Variants in BRWD3 observed in about 807,000 individuals in gnomAD.
BRWD3 encodes bromodomain and WD repeat domain containing 3.
Under a neutral mutation model 149.7 loss-of-function variants are expected in BRWD3, and 10 were observed. The observed-to-expected ratio is 0.07, with a 90% CI of 0.04 to 0.11. BRWD3 has a LOEUF of 0.11. Ranked by LOEUF, BRWD3 falls within the 10% of genes least tolerant of loss-of-function variation. The pLI, the probability that BRWD3 is intolerant of heterozygous loss-of-function variation, is 1.00. For synonymous variants in BRWD3, 504 were observed against 456.7 expected (o/e 1.10, Z -1.32); for missense variants, 940 against 1,373.2 (o/e 0.68, Z 4.99).
chrX:80,704,002 C>A (rs760624959), intron 23 of BRWD3, among the ~76,000 whole-genome samples: 1 of 112,094 alleles, frequency 8.9e-6, no homozygotes, highest in Non-Finnish European at 1.9e-5. Context: ...TAACTACATA[C>A]ACCAAGTCTT....
chrX:80,786,396 G>A (rs1318322859), intron 6 of BRWD3, among the ~76,000 whole-genome samples: 1 of 110,485 alleles, frequency 9.1e-6, no homozygotes, highest in African/African-American at 3.3e-5. Context: ...GCAAGAGAAG[G>A]GAACATCCTC....
Position 80,808,617 on chromosome X carries a change from G to A in BRWD3, c.121-19C>T. 1 of 1,200,872 alleles carries A rather than the reference G, an allele frequency of 8.3e-7. No homozygotes were observed. Among genetic ancestry groups the A allele is most frequent in the Non-Finnish European group, 1.1e-6 (1 of 886,538 alleles). On this transcript the variant is annotated intron_variant, in intron 3 of 40. Coordinates refer to ENST00000373275, the MANE Select transcript of BRWD3 (RefSeq NM_153252.5). ...GAATCAGCTGGGGGCCGGACGAAAA[G>A]AAAGGGGGAAGCGGAGGCAAATGAT...
chrX:80,704,570 A>C (rs1440234706), intron 23 of BRWD3, 108 bp downstream of exon 23: 1 of 800,203 alleles, frequency 1.2e-6, no homozygotes, highest in Non-Finnish European at 1.8e-6. Flanking sequence ...ACTTTCTCAG[A>C]TGAAATGTTA....
intron 17 of BRWD3, among the ~76,000 whole-genome samples, 200 bp downstream of exon 17, chrX:80,722,362 C>T (rs1034513029): frequency 3.6e-5 from 4 of 111,466 alleles, no homozygotes; most frequent in Non-Finnish European, 7.5e-5. Flanking sequence ...TGTCCTAACC[C>T]ACTTATCTGT....
chrX:80,706,872 T>C (rs777240387), intron 22 of BRWD3, among the ~76,000 whole-genome samples: 5 of 112,575 alleles, frequency 4.4e-5, no homozygotes, highest in Non-Finnish European at 9.4e-5. Flanking sequence ...TCTAAAAGAA[T>C]AGAAAATGAA....
intron 6 of BRWD3, among the ~76,000 whole-genome samples, chrX:80,751,101 A>G (rs750925337): frequency 9.0e-6 from 1 of 111,345 alleles, no homozygotes; most frequent in Non-Finnish European, 1.9e-5. Flanking sequence ...CAAGGAAAGG[A>G]GAGGGGTGAG....
chrX:80,788,601 T>C (rs1017330879), intron 6 of BRWD3, among the ~76,000 whole-genome samples: 1 of 111,755 alleles, frequency 8.9e-6, no homozygotes, highest in African/African-American at 3.3e-5. Context: ...AAGTTGTATT[T>C]AACATATGAT....
intron 12 of BRWD3, among the ~76,000 whole-genome samples, chrX:80,731,564 C>CA (rs954225041): frequency 9.0e-6 from 1 of 110,847 alleles, no homozygotes; most frequent in South Asian, 3.8e-4. Context: ...TATTTGCTGT[C>CA]AAAAAATTAT....
intron 6 of BRWD3, among the ~76,000 whole-genome samples, chrX:80,780,821 G>A (rs992830640): frequency 1.8e-5 from 2 of 112,054 alleles, no homozygotes; most frequent in Non-Finnish European, 1.9e-5. Context: ...CATAAAATTA[G>A]AGAGGGTGAC....
chrX:80,736,165 T>C (rs1216117954), intron 8 of BRWD3, 77 bp from the exon 9 acceptor site: 14 of 626,179 alleles, frequency 2.2e-5, no homozygotes, highest in Non-Finnish European at 3.4e-5. Flanking sequence ...TATTTTCAAA[T>C]TGTAATCATT....
At chrX:80,783,035 G>T (rs1402845288) in intron 6 of BRWD3, among the ~76,000 whole-genome samples, 2 of 111,070 alleles carry the variant, frequency 1.8e-5, no homozygotes, top group Non-Finnish European at 3.8e-5. Flanking sequence ...ATATACAAAT[G>T]GCAAACAGGC....
At chrX:80,710,616 G>A in intron 20 of BRWD3, 1 of 513,881 alleles carries the variant, frequency 1.9e-6, no homozygotes. Context: ...TCCAATCCTG[G>A]AAGGTCTTGA....
chrX:80,710,110 T>C (rs1056445479), intron 20 of BRWD3: 1 of 642,440 alleles, frequency 1.6e-6, no homozygotes, highest in Non-Finnish European at 2.6e-6. Context: ...AAATTCTCCA[T>C]ATTGACAAAC....
intron 6 of BRWD3, among the ~76,000 whole-genome samples, chrX:80,777,336 T>C (rs1398476986): frequency 5.4e-5 from 6 of 111,571 alleles, no homozygotes; most frequent in Admixed American, 4.8e-4. Flanking sequence ...AAAGAGTTTA[T>C]CATCAAATTG....
At chrX:80,721,450 T>C (rs1569260589) in intron 17 of BRWD3, among the ~76,000 whole-genome samples, 1 of 110,671 alleles carries the variant, frequency 9.0e-6, no homozygotes, top group Non-Finnish European at 1.9e-5. Flanking sequence ...AGCAAGAACA[T>C]AAAAGGACGT....
intron 8 of BRWD3, among the ~76,000 whole-genome samples, chrX:80,740,957 C>T (rs181322192): frequency 2.5e-3 from 277 of 110,976 alleles, no homozygotes; most frequent in Non-Finnish European, 3.4e-3. Context: ...ATGTGCACAA[C>T]ATGCAGGTTT....
At chrX:80,692,857 G>T (rs2072630952) in intron 28 of BRWD3, 83 bp downstream of exon 28, 1 of 735,493 alleles carries the variant, frequency 1.4e-6, no homozygotes, top group Non-Finnish European at 2.2e-6. Flanking sequence ...AGATAAAAGG[G>T]CATTACTCCT....
intron 30 of BRWD3, 105 bp from the exon 31 acceptor site, chrX:80,691,278 C>A: frequency 4.7e-6 from 4 of 856,315 alleles, no homozygotes; most frequent in South Asian, 2.4e-5. Flanking sequence ...TGATATACTA[C>A]TTTTCTAAAA....
chrX:80,727,734 G>T (rs749205816), intron 14 of BRWD3, among the ~76,000 whole-genome samples: 14 of 109,948 alleles, frequency 1.3e-4, no homozygotes, highest in African/African-American at 4.3e-4. Context: ...GTTGAGATTG[G>T]GTAATTCCTA....
Sources: gnomAD v4.1 joint callset for allele counts (sites outside exome capture counted in the v4.1 genomes callset) on GRCh38, gnomAD v4.1.1 for gene constraint, MANE v1.5 for transcripts, NCBI Gene and HGNC (gene_info 2026-07-23, HGNC 2026-07-21) for gene names.